Variants in MTMR6 observed in about 807,000 individuals in gnomAD.
The protein encoded by MTMR6 is phosphatidylinositol-3,5-bisphosphate 3-phosphatase MTMR6.
In MTMR6, 47 loss-of-function variants were observed where a neutral mutation model predicts 80.1. That is an observed-to-expected ratio of 0.59 (90% confidence interval 0.46 to 0.75). The LOEUF is 0.75. Ranked by LOEUF, MTMR6 falls within the 30% of genes least tolerant of loss-of-function variation. MTMR6 has a pLI of 0.00. For synonymous variants in MTMR6, 254 were observed against 253.0 expected (o/e 1.00, Z -0.04); for missense variants, 629 against 730.9 (o/e 0.86, Z 1.61).
At chr13:25,254,040 A>G in intron 10 of MTMR6, 76 bp from the exon 11 acceptor site, 2 of 1,401,336 alleles carry the variant, frequency 1.4e-6, no homozygotes, top group South Asian at 2.6e-5. Flanking sequence ...AATCTTAAAC[A>G]TACAAAAATA....
intron 8 of MTMR6, among the ~76,000 whole-genome samples, 186 bp downstream of exon 8, chr13:25,257,550 T>A (rs535419678): frequency 6.6e-6 from 1 of 151,214 alleles, no homozygotes; most frequent in East Asian, 1.9e-4. Flanking sequence ...TTTAGGAGCA[T>A]CTTTTTAAGT....
At chr13:25,286,688 GCACAGACACGGAAAC>G (rs1429009883) in intron 1 of MTMR6, among the ~76,000 whole-genome samples, 8 of 152,190 alleles carry the variant, frequency 5.3e-5, no homozygotes, top group Non-Finnish European at 5.9e-5. Flanking sequence ...GAAGTATGAA[GCACAGACACGGAAAC>G]ACCGGATGCG....
chr13:25,264,890 G>C (rs1010874990), intron 5 of MTMR6, among the ~76,000 whole-genome samples: 5 of 151,862 alleles, frequency 3.3e-5, no homozygotes, highest in African/African-American at 1.2e-4. Context: ...CTTACTTGCT[G>C]TGAGACAAGG....
At position 25,254,384 on chromosome 13, in the gene MTMR6, CCT is replaced by C. The variant is rs1957150024; in HGVS notation, c.1144_1145del (p.Arg382ValfsTer7). ...TATATGACTGTGTAACTGTGACTCA[CCT>C]CTCTGAAAATTTATGTCCAAAAGAG... ...WISFGHKFSE[R>X]CGQLDGDPKE... On this transcript the variant is annotated frameshift_variant and splice_region_variant, in exon 10 of 14. Transcript: ENST00000381801. LOFTEE classifies it high-confidence loss of function. The C allele has an allele frequency of 6.4e-7, 1 of 1,571,930 alleles. No individual in the cohort carries two copies. Among genetic ancestry groups the C allele is most frequent in the Non-Finnish European group, 8.7e-7 (1 of 1,144,762 alleles).
intron 1 of MTMR6, among the ~76,000 whole-genome samples, chr13:25,280,579 G>C (rs560193805): frequency 6.6e-5 from 10 of 152,102 alleles, no homozygotes; most frequent in Non-Finnish European, 1.3e-4. Context: ...CCCCCTTTCA[G>C]CAAGGAACTA....
intron 1 of MTMR6, among the ~76,000 whole-genome samples, chr13:25,279,190 T>C (rs1339798039): frequency 6.6e-6 from 1 of 152,186 alleles, no homozygotes; most frequent in Non-Finnish European, 1.5e-5. Context: ...AATCCCCATG[T>C]GTGCAGGAAG....
chr13:25,286,204 C>T (rs1227580874), intron 1 of MTMR6, among the ~76,000 whole-genome samples: 1 of 151,804 alleles, frequency 6.6e-6, no homozygotes, highest in East Asian at 1.9e-4. Flanking sequence ...TTATGTATAC[C>T]TTTAAAAGGT....
intron 2 of MTMR6, among the ~76,000 whole-genome samples, chr13:25,269,179 A>G (rs950066745): frequency 2.0e-5 from 3 of 152,128 alleles, no homozygotes; most frequent in Admixed American, 6.5e-5. Context: ...TCAACATTAC[A>G]TCTCCAGCAC....
chr13:25,286,780 C>G (rs1228055148), intron 1 of MTMR6, among the ~76,000 whole-genome samples: 2 of 151,860 alleles, frequency 1.3e-5, no homozygotes, highest in African/African-American at 4.8e-5. Context: ...CTCCAAAACT[C>G]GTACTGTGAA....
chr13:25,275,376 T>A (rs1957696329), intron 1 of MTMR6, among the ~76,000 whole-genome samples: 1 of 151,734 alleles, frequency 6.6e-6, no homozygotes, highest in Admixed American at 6.6e-5. Context: ...GAGCCAAGAT[T>A]GTGCCACTGC....
chr13:25,280,484 G>A (rs1436854666), intron 1 of MTMR6, among the ~76,000 whole-genome samples: 1 of 152,172 alleles, frequency 6.6e-6, no homozygotes, highest in Non-Finnish European at 1.5e-5. Flanking sequence ...GAAATCAAAT[G>A]TTTTTCTTTG....
At chr13:25,263,583 T>C (rs1957386034) in intron 5 of MTMR6, among the ~76,000 whole-genome samples, 1 of 152,156 alleles carries the variant, frequency 6.6e-6, no homozygotes. Flanking sequence ...GAAACCAACT[T>C]ATACAACAGA....
intron 5 of MTMR6, among the ~76,000 whole-genome samples, chr13:25,264,618 G>T (rs1391701867): frequency 6.6e-6 from 1 of 151,826 alleles, no homozygotes; most frequent in African/African-American, 2.4e-5. Context: ...GGCTGGGCAT[G>T]GTGGCAGGCG....
chr13:25,259,561 T>C (rs1957287494), intron 6 of MTMR6, among the ~76,000 whole-genome samples: 1 of 152,170 alleles, frequency 6.6e-6, no homozygotes, highest in Non-Finnish European at 1.5e-5. Context: ...TAAAGTAAAA[T>C]CTACAGTTAG....
intron 5 of MTMR6, among the ~76,000 whole-genome samples, chr13:25,262,955 T>TA (rs1957372429): frequency 2.0e-5 from 3 of 152,258 alleles, no homozygotes; most frequent in African/African-American, 7.2e-5. Context: ...CCATAACCAT[T>TA]TAACCTCTCT....
intron 1 of MTMR6, among the ~76,000 whole-genome samples, chr13:25,279,183 C>A (rs1296203049): frequency 1.3e-5 from 2 of 152,096 alleles, no homozygotes. Context: ...GGATTGTAAT[C>A]CCCATGTGTG....
chr13:25,274,945 C>CACACACACAT (rs1957676129), intron 1 of MTMR6, among the ~76,000 whole-genome samples: 6 of 125,006 alleles, frequency 4.8e-5, no homozygotes, highest in African/African-American at 2.0e-4. Flanking sequence ...GACAGACACA[C>CACACACACAT]ACACACACAC....
chr13:25,262,555 A>G (rs922769978), intron 5 of MTMR6, among the ~76,000 whole-genome samples: 2 of 152,042 alleles, frequency 1.3e-5, no homozygotes, highest in African/African-American at 4.8e-5. Context: ...TTTTGTTAAG[A>G]TGGGTTTTTG....
intron 9 of MTMR6, among the ~76,000 whole-genome samples, chr13:25,256,883 A>C (rs1417245177): frequency 6.6e-6 from 1 of 152,142 alleles, no homozygotes; most frequent in Non-Finnish European, 1.5e-5. Flanking sequence ...ACATTTTAGG[A>C]AAAAAAATTA....
Sources: allele counts gnomAD v4.1 joint callset (sites outside exome capture counted in the v4.1 genomes callset), GRCh38; gene constraint gnomAD v4.1.1; transcripts MANE v1.5; gene names NCBI Gene and HGNC (gene_info 2026-07-23, HGNC 2026-07-21).